Variants in SPIRE1 observed in about 807,000 individuals in gnomAD.
The protein encoded by SPIRE1 is spire type actin nucleation factor 1, also known as protein spire homolog 1.
In SPIRE1, 40 loss-of-function variants were observed where a neutral mutation model predicts 94.1. The ratio of observed to expected loss-of-function variants is 0.43; its 90% CI spans 0.33 to 0.55. The LOEUF is 0.55. Ranked by LOEUF, SPIRE1 falls within the 20% of genes least tolerant of loss-of-function variation. The pLI is 0.06. For synonymous variants in SPIRE1, 376 were observed against 371.7 expected (o/e 1.01, Z -0.13); for missense variants, 838 against 975.2 (o/e 0.86, Z 1.87).
chr18:12,452,502 A>G lies in SPIRE1; in HGVS notation c.1858T>C (p.Ser620Pro), dbSNP rs137893351. The stretch of plus-strand genomic sequence containing the variant: ...TAGCTTACCTTTTTGCAACACTGTG[A>G]GCACACCGGCCTGTAAACAAAATCA... ...TCQFCKRPVC[S>P]QCCKKMRLPS... is the part of the protein sequence containing the mutation. The change falls in exon 15 of 17, where the codon TCA becomes CCA. Residue 620 changes from serine to proline, a missense_variant. Ser to Pro is a moderately conservative substitution (Grantham distance 74). Around this residue, in one of 2 missense-constraint regions of SPIRE1, gnomAD observed 645 missense variants for 804.7 expected, o/e 0.80. Transcript: ENST00000409402. 5.0e-6 allele frequency: 8 copies of G among 1,613,782 alleles called. No homozygotes were observed. In the African/African-American group the frequency reaches 1.1e-4, roughly 22 times the overall value.
chr18:12,472,790 G>A (rs1300444099), intron 10 of SPIRE1, among the ~76,000 whole-genome samples: 2 of 151,876 alleles, frequency 1.3e-5, no homozygotes, highest in Non-Finnish European at 2.9e-5. Flanking sequence ...CCTTCCAGTA[G>A]CTAGGACTAC....
chr18:12,559,716 C>T lies in SPIRE1; in HGVS notation c.373-12812G>A, dbSNP rs1465388562. Among the ~76,000 whole-genome samples the T allele has an allele frequency of 2.0e-5, 3 of 152,218 alleles. No individual in the cohort carries two copies. The highest frequency in any genetic ancestry group is 4.8e-5 in the African/African-American group (2 of 41,446). On this transcript the variant is annotated intron_variant, in intron 2 of 16. Transcript: ENST00000409402. The surrounding 1 kb of genome is among the most constrained non-coding windows in gnomAD (Gnocchi z 4.7). ...CAAAGATTTCTTGAGTAATAACCCA[C>T]AGGCACAGGGAACCAAAGCAAAAAT...
At chr18:12,554,771 A>C (rs2035451792) in intron 2 of SPIRE1, among the ~76,000 whole-genome samples, 1 of 152,238 alleles carries the variant, frequency 6.6e-6, no homozygotes, top group African/African-American at 2.4e-5. Context: ...ATCCAACAAC[A>C]CATTAAAAAG....
At chr18:12,454,567 A>G (rs1414101752) in intron 12 of SPIRE1, 84 bp from the exon 13 acceptor site, 2 of 1,278,646 alleles carry the variant, frequency 1.6e-6, no homozygotes, top group East Asian at 2.3e-5. Context: ...CAGACCCCTG[A>G]TTAGTAGCTT....
At position 12,530,463 on chromosome 18, in the gene SPIRE1, C is replaced by T. The variant is rs1037214760; in HGVS notation, c.729+5013G>A. 2.0e-5 allele frequency among the ~76,000 whole-genome samples: 3 copies of T among 152,048 alleles called. 1 individual carries two copies. Among genetic ancestry groups the T allele is most frequent in the Admixed American group, 2.0e-4 (3 of 15,258 alleles). On this transcript the variant is annotated intron_variant, in intron 4 of 16. Transcript: ENST00000409402. ...ATAGTTCACTGCAGCCTTAAACTCCCGGGCTCAAAAGATCTTCCTGTCTCC... is the reference window on the plus strand; with the variant it reads ...ATAGTTCACTGCAGCCTTAAACTCCTGGGCTCAAAAGATCTTCCTGTCTCC...
At chr18:12,639,421 T>C (rs768514022) in intron 1 of SPIRE1, among the ~76,000 whole-genome samples, 72 of 152,264 alleles carry the variant, frequency 4.7e-4, no homozygotes, top group East Asian at 7.7e-4. Context: ...TAGTTTCCAA[T>C]TGAAGAAGCT....
intron 2 of SPIRE1, among the ~76,000 whole-genome samples, chr18:12,628,429 C>T (rs1035923036): frequency 2.0e-5 from 3 of 152,068 alleles, no homozygotes; most frequent in Non-Finnish European, 2.9e-5. Flanking sequence ...GGTACCAGTA[C>T]CATGCTGTTT....
At chr18:12,605,430 C>T (rs1001395467) in intron 2 of SPIRE1, among the ~76,000 whole-genome samples, 3 of 152,162 alleles carry the variant, frequency 2.0e-5, no homozygotes, top group African/African-American at 4.8e-5. Flanking sequence ...CGCTTGAACC[C>T]GGCAGGCGGA....
At chr18:12,547,037 TTC>T (rs1265597157) in intron 2 of SPIRE1, 133 bp from the exon 3 acceptor site, 2 of 588,292 alleles carry the variant, frequency 3.4e-6, no homozygotes, top group East Asian at 5.6e-5. Flanking sequence ...CCTTTTTATA[TTC>T]TCTTAGATTT....
intron 8 of SPIRE1, 46 bp from the exon 9 acceptor site, chr18:12,486,046 T>A: frequency 7.2e-7 from 1 of 1,398,318 alleles, no homozygotes. Flanking sequence ...ATTCAGCTGT[T>A]AGGAATATAC....
intron 12 of SPIRE1, 42 bp from the exon 13 acceptor site, chr18:12,454,525 CT>C (rs747722551): frequency 6.2e-7 from 1 of 1,606,286 alleles, no homozygotes; most frequent in Non-Finnish European, 8.5e-7. Context: ...TTCCTACCCC[CT>C]GTTCTGGAAG....
intron 2 of SPIRE1, among the ~76,000 whole-genome samples, chr18:12,564,942 G>C (rs1260730414): frequency 6.6e-6 from 1 of 151,526 alleles, no homozygotes; most frequent in Admixed American, 6.6e-5. Context: ...TTATGCAAAA[G>C]GTATAAATTA....
chr18:12,645,351 A>G (rs72881152), intron 1 of SPIRE1, among the ~76,000 whole-genome samples: 16,040 of 152,054 alleles, frequency 0.11, 1,205 homozygotes, highest in South Asian at 0.31. Flanking sequence ...AGGCCAATTT[A>G]ATTTCCAACA....
intron 2 of SPIRE1, among the ~76,000 whole-genome samples, chr18:12,570,841 C>G (rs2035944251): frequency 6.6e-6 from 1 of 152,120 alleles, no homozygotes; most frequent in African/African-American, 2.4e-5. Context: ...GAGGACTTCC[C>G]TTGTTCCACA....
Position 12,449,359 on chromosome 18 carries a change from G to A in SPIRE1, c.*279C>T, listed in dbSNP as rs1055976573. On this transcript the variant is annotated 3_prime_UTR_variant, in exon 17 of 17. Transcript: ENST00000409402. ...GAGGAACAGTAAAGAACTGAACTAA[G>A]GAAGTAGCTACTGGCTTCCAAAGCC... is the stretch of plus-strand genomic sequence containing the variant. 92 of 429,468 alleles carry A rather than the reference G, an allele frequency of 2.1e-4. No individual in the cohort carries two copies. The highest frequency in any genetic ancestry group is 3.4e-4 in the Non-Finnish European group (81 of 235,278). The allele number at this position is 429,468 out of a possible 1,614,324, so 26.6% of individuals were successfully genotyped here. A position where few individuals can be genotyped will look rare whatever the true frequency, so the allele number is the denominator to read the frequency against.
intron 1 of SPIRE1, among the ~76,000 whole-genome samples, chr18:12,637,967 G>C (rs755289557): frequency 3.9e-5 from 6 of 152,180 alleles, no homozygotes; most frequent in Non-Finnish European, 7.4e-5. Context: ...CATTCAATTT[G>C]AATTGGTGAG....
chr18:12,461,776 C>T (rs1420728750), intron 12 of SPIRE1, among the ~76,000 whole-genome samples: 2 of 151,984 alleles, frequency 1.3e-5, no homozygotes, highest in East Asian at 1.9e-4. Flanking sequence ...TACGGGCATG[C>T]GCCACCACAT....
chr18:12,577,960 C>T (rs2036155341), intron 2 of SPIRE1, among the ~76,000 whole-genome samples: 1 of 152,134 alleles, frequency 6.6e-6, no homozygotes, highest in Non-Finnish European at 1.5e-5. Flanking sequence ...TGAATAAATG[C>T]TATACTTCAC....
At chr18:12,658,952 A>C, upstream of SPIRE1, 1 of 206,472 alleles carries the variant, frequency 4.8e-6, no homozygotes, top group Non-Finnish European at 1.0e-5. Flanking sequence ...CAAGTACCAC[A>C]CTCATCAGAG....
Sources: gnomAD v4.1 joint callset for allele counts (sites outside exome capture counted in the v4.1 genomes callset) on GRCh38, gnomAD v4.1.1 for gene constraint, gnomAD v4.1.1 regional missense constraint, Gnocchi (gnomAD v3.1) non-coding constraint, MANE v1.5 for transcripts, NCBI Gene and HGNC (gene_info 2026-07-23, HGNC 2026-07-21) for gene names.